CACNA1B: variants seen among roughly 807,000 people sequenced by gnomAD.
CACNA1B encodes the protein voltage-dependent N-type calcium channel subunit alpha-1B.
CACNA1B carries 70 observed loss-of-function variants against 247.2 expected under a neutral mutation model. That is an observed-to-expected ratio of 0.28 (90% CI 0.23 to 0.35). CACNA1B has a LOEUF of 0.35. CACNA1B is among the 10% of genes least tolerant of loss of function. CACNA1B has a pLI of 1.00. For missense variants in CACNA1B, 2,367 were observed against 3,197.4 expected, an observed-to-expected ratio of 0.74 and a Z score of 6.26; for synonymous variants, 1,231 against 1,294.4, an observed-to-expected ratio of 0.95 and a Z score of 1.05.
chr9:138,041,410 C>T (rs1368205413), intron 20 of CACNA1B, among the ~76,000 whole-genome samples: 1 of 152,190 alleles, frequency 6.6e-6, no homozygotes, highest in African/African-American at 2.4e-5. Context: ...CTGTATTCCC[C>T]TCCAAAGCTC....
At chr9:138,104,090 T>C (rs986471530) in intron 38 of CACNA1B, among the ~76,000 whole-genome samples, 2 of 152,148 alleles carry the variant, frequency 1.3e-5, no homozygotes, top group Non-Finnish European at 2.9e-5. Context: ...GACTCCAAGG[T>C]TCTGGGCATG....
At chr9:138,037,103 A>T (rs555135255) in intron 20 of CACNA1B, among the ~76,000 whole-genome samples, 5 of 152,030 alleles carry the variant, frequency 3.3e-5, no homozygotes, top group Admixed American at 6.6e-5. Flanking sequence ...TGTTGGGGAG[A>T]ACATATGGTT....
intron 3 of CACNA1B, among the ~76,000 whole-genome samples, chr9:137,904,022 A>G (rs907422060): frequency 6.6e-6 from 1 of 152,094 alleles, no homozygotes; most frequent in African/African-American, 2.4e-5. Flanking sequence ...TTTGGTTGTG[A>G]TTACGGTACC....
chr9:138,095,086 G>A (rs1368263760), intron 36 of CACNA1B, among the ~76,000 whole-genome samples: 26 of 152,090 alleles, frequency 1.7e-4, no homozygotes, highest in Admixed American at 1.6e-3. Flanking sequence ...AAAATCATAA[G>A]CAACCAAAGA....
At chr9:137,989,941 A>G (rs937054946) in intron 15 of CACNA1B, among the ~76,000 whole-genome samples, 1 of 152,250 alleles carries the variant, frequency 6.6e-6, no homozygotes, top group Non-Finnish European at 1.5e-5. Context: ...GATGGCAGAT[A>G]GGAGGAAGGA....
Position 137,880,601 on chromosome 9 carries a change from A to G in CACNA1B, c.390+1442A>G, listed in dbSNP as rs1956904317. ...CAAGTTCCTGCCTCGCAGGTGTGGG[A>G]GGGTTTACTTTGTGGTCATAGGTTG... On this transcript the variant is annotated intron_variant, in intron 2 of 46. Transcript: ENST00000371372. This position sits in a 1 kb window ranked among gnomAD's most constrained non-coding sequence, Gnocchi z 4.8. Among the ~76,000 whole-genome samples the G allele has an allele frequency of 6.6e-6, 1 of 151,872 alleles. No individual in the cohort carries two copies. Among genetic ancestry groups the G allele is most frequent in the Non-Finnish European group, 1.5e-5 (1 of 67,980 alleles).
At chr9:138,088,646 G>A (rs544162869) in intron 36 of CACNA1B, among the ~76,000 whole-genome samples, 1 of 152,072 alleles carries the variant, frequency 6.6e-6, no homozygotes, top group South Asian at 2.1e-4. Context: ...TAATGAGATT[G>A]AATCTGTAAT....
At chr9:137,911,873 A>G (rs1303369653) in intron 3 of CACNA1B, among the ~76,000 whole-genome samples, 1 of 152,240 alleles carries the variant, frequency 6.6e-6, no homozygotes, top group South Asian at 2.1e-4. Flanking sequence ...GACGTGGCAT[A>G]TGAGAGAAGG....
intron 6 of CACNA1B, among the ~76,000 whole-genome samples, chr9:137,944,810 A>G (rs1957775050): frequency 6.6e-6 from 1 of 152,158 alleles, no homozygotes; most frequent in East Asian, 1.9e-4. Flanking sequence ...TTTCTCTCCA[A>G]ATATGAGGAG....
At chr9:137,976,788 A>C (rs1326863419) in intron 12 of CACNA1B, among the ~76,000 whole-genome samples, 3 of 110,820 alleles carry the variant, frequency 2.7e-5, no homozygotes, top group African/African-American at 1.2e-4. Context: ...CAGTCTGAGA[A>C]TTACCAACTT....
chr9:138,067,614 G>A (rs1471449736), intron 31 of CACNA1B, among the ~76,000 whole-genome samples: 3 of 152,200 alleles, frequency 2.0e-5, no homozygotes, highest in Non-Finnish European at 4.4e-5. Flanking sequence ...CACAAGAATC[G>A]CTTGAACCCA....
intron 6 of CACNA1B, among the ~76,000 whole-genome samples, chr9:137,949,476 C>CGTGTGTGTGTGTGGTGT (rs1215014230): frequency 1.1e-3 from 149 of 138,354 alleles, no homozygotes; most frequent in Middle Eastern, 4.4e-3. Context: ...GTGGTGTATG[C>CGTGTGTGTGTGTGGTGT]ATGTGTGTGT....
intron 31 of CACNA1B, among the ~76,000 whole-genome samples, chr9:138,063,748 G>C (rs1959817251): frequency 6.6e-6 from 1 of 152,234 alleles, no homozygotes; most frequent in Non-Finnish European, 1.5e-5. Context: ...GAGTAGTCCA[G>C]TGTCATCCAT....
rs1282833883 is a variant in CACNA1B, at chr9:138,078,159, G to A, written c.4995G>A (p.Leu1665=). 7.4e-6 allele frequency: 12 copies of A among 1,613,934 alleles called. No homozygotes were observed. Among genetic ancestry groups the A allele is most frequent in the Non-Finnish European group, 9.3e-6 (11 of 1,179,862 alleles). ...EAWHEIMLSC[L]SNQACDEQAN... is the part of the protein sequence containing the mutation. ...GGCACGAGATCATGCTGTCCTGCCT[G>A]AGCAACCAGGCCTGTGATGAGCAGG... Residue 1665 remains leucine, a synonymous_variant, in exon 36 of 47, where the codon CTG becomes CTA. Coordinates refer to ENST00000371372, the MANE Select transcript of CACNA1B (RefSeq NM_000718.4).
intron 20 of CACNA1B, among the ~76,000 whole-genome samples, chr9:138,040,888 T>A (rs986811416): frequency 6.6e-5 from 10 of 152,180 alleles, no homozygotes; most frequent in Admixed American, 6.5e-4. Context: ...CATCACATCC[T>A]CCTTTTCTCA....
intron 31 of CACNA1B, among the ~76,000 whole-genome samples, chr9:138,066,915 TAG>T (rs1171885042): frequency 6.6e-6 from 1 of 152,088 alleles, no homozygotes; most frequent in African/African-American, 2.4e-5. Flanking sequence ...AAACAAAGAC[TAG>T]AGAGAATCAA....
Position 138,057,971 on chromosome 9 carries a change from C to T in CACNA1B, c.4107-78C>T. 1 of 1,552,408 alleles carries T rather than the reference C, an allele frequency of 6.4e-7. No homozygotes were observed. The highest frequency in any genetic ancestry group is 1.1e-5 in the South Asian group (1 of 89,400). On this transcript the variant is annotated intron_variant, in intron 27 of 46. Coordinates refer to ENST00000371372, the MANE Select transcript of CACNA1B (RefSeq NM_000718.4). The surrounding 1 kb of genome is among the most constrained non-coding windows in gnomAD (Gnocchi z 4.0). Reference sequence around the variant, plus strand: ...GGCTCAGGCATGGAAGCAGACCCACCCTTGTGGTGCAGGTCTTGAGTTCTT... The same window carrying T: ...GGCTCAGGCATGGAAGCAGACCCACTCTTGTGGTGCAGGTCTTGAGTTCTT...
At chr9:138,046,514 G>A (rs1351857104) in intron 21 of CACNA1B, among the ~76,000 whole-genome samples, 1 of 152,246 alleles carries the variant, frequency 6.6e-6, no homozygotes, top group East Asian at 1.9e-4. Context: ...CTGTGAAAGG[G>A]CTGGGTAGTT....
Position 138,100,931 on chromosome 9 carries a change from T to A in CACNA1B, c.5223-1780T>A, listed in dbSNP as rs1961229297. On this transcript the variant is annotated intron_variant, in intron 37 of 46. Transcript: ENST00000371372. The surrounding 1 kb of genome is among the most constrained non-coding windows in gnomAD (Gnocchi z 4.6). Reference sequence around the variant, plus strand: ...GAAATTTCGCTGGGGTTGCCACACCTCCCGGGGAGCTCCAAGCCCCAGTAC... The same window carrying A: ...GAAATTTCGCTGGGGTTGCCACACCACCCGGGGAGCTCCAAGCCCCAGTAC... Among the ~76,000 whole-genome samples the A allele has an allele frequency of 6.6e-6, 1 of 151,936 alleles. No individual in the cohort carries two copies. The highest frequency in any genetic ancestry group is 1.5e-5 in the Non-Finnish European group (1 of 67,932).
Sources: allele counts gnomAD v4.1 joint callset (sites outside exome capture counted in the v4.1 genomes callset), GRCh38; gene constraint gnomAD v4.1.1; non-coding constraint Gnocchi (gnomAD v3.1); transcripts MANE v1.5; gene names NCBI Gene and HGNC (gene_info 2026-07-23, HGNC 2026-07-21).